TNFSF4: variants seen among roughly 807,000 people sequenced by gnomAD.
TNFSF4 encodes the protein TNF superfamily member 4, also known as tumor necrosis factor ligand superfamily member 4.
A neutral mutation model predicts 7.3 loss-of-function variants in TNFSF4; 4 were observed. That is an observed-to-expected ratio of 0.55 (90% CI 0.27 to 1.25). The LOEUF (loss-of-function observed/expected upper bound fraction) is 1.25, where lower values mean the gene tolerates loss of function less well. Among genes scored for constraint, TNFSF4 ranks in the 50% most tolerant of loss-of-function variants. The pLI is 0.12. For missense variants in TNFSF4, 181 were observed against 208.8 expected, an observed-to-expected ratio of 0.87 and a Z score of 0.82; for synonymous variants, 76 against 83.7, an observed-to-expected ratio of 0.91 and a Z score of 0.50.
rs962822801 is a variant in TNFSF4 at position 173,201,232 on chromosome 1, A to T, written c.153+5792T>A. Among the ~76,000 whole-genome samples, 7 of 152,136 alleles carry T rather than the reference A, an allele frequency of 4.6e-5. No individual in the cohort carries two copies. In the South Asian group the frequency reaches 1.5e-3, roughly 32 times the overall value. The stretch of plus-strand genomic sequence containing the variant: ...CCTAATCACACTTCATAACCTCATA[A>T]ATTCTCCCCTTCATTCTTTTGCTCT... On this transcript the variant is annotated intron_variant, in intron 1 of 2. Coordinates refer to ENST00000281834, the MANE Select transcript of TNFSF4 (RefSeq NM_003326.5).
the TNFSF4 span, among the ~76,000 whole-genome samples, chr1:173,395,233 A>T: frequency 6.6e-6 from 1 of 151,210 alleles, no homozygotes; most frequent in Admixed American, 6.6e-5. Flanking sequence ...TTAGATTTGA[A>T]GATACTAATG....
At chr1:173,219,841 A>C in the TNFSF4 span, among the ~76,000 whole-genome samples, 1 of 152,162 alleles carries the variant, frequency 6.6e-6, no homozygotes, top group African/African-American at 2.4e-5. Context: ...AGTGGGAGCT[A>C]AGCTTTGAGG....
chr1:173,444,562 A>C, the TNFSF4 span, among the ~76,000 whole-genome samples: 2 of 152,074 alleles, frequency 1.3e-5, no homozygotes, highest in Non-Finnish European at 2.9e-5. Flanking sequence ...TAATGATTAT[A>C]ATCCCTTTAA....
At chr1:173,416,517 G>A in the TNFSF4 span, among the ~76,000 whole-genome samples, 41 of 152,086 alleles carry the variant, frequency 2.7e-4, no homozygotes, top group Non-Finnish European at 5.6e-4. Flanking sequence ...GGGCCCAAGG[G>A]TCTCCCAGCC....
At chr1:173,385,380 A>G in the TNFSF4 span, among the ~76,000 whole-genome samples, 1 of 152,254 alleles carries the variant, frequency 6.6e-6, no homozygotes. Flanking sequence ...AATATTATTC[A>G]AAGTTGCAAC....
chr1:173,332,249 C>T, the TNFSF4 span, among the ~76,000 whole-genome samples: 1 of 152,168 alleles, frequency 6.6e-6, no homozygotes, highest in Non-Finnish European at 1.5e-5. Context: ...GTAGTCCTTC[C>T]CTTTCTGTCA....
the TNFSF4 span, among the ~76,000 whole-genome samples, chr1:173,322,187 C>A: frequency 4.6e-5 from 7 of 152,104 alleles, no homozygotes; most frequent in Non-Finnish European, 7.4e-5. Flanking sequence ...AAGCTGGAAG[C>A]CATCATTCTC....
chr1:173,444,695 C>T, the TNFSF4 span, among the ~76,000 whole-genome samples: 39 of 151,900 alleles, frequency 2.6e-4, no homozygotes, highest in Non-Finnish European at 4.9e-4. Flanking sequence ...AGGATAAGAT[C>T]CTTTCAGAGA....
chr1:173,333,181 G>A, the TNFSF4 span, among the ~76,000 whole-genome samples: 1 of 152,232 alleles, frequency 6.6e-6, no homozygotes, highest in East Asian at 1.9e-4. Context: ...CTTGACACAG[G>A]GTACACAGGC....
chr1:173,181,043 C>T (rs1313483214), downstream of TNFSF4, among the ~76,000 whole-genome samples: 1 of 152,108 alleles, frequency 6.6e-6, no homozygotes, highest in Non-Finnish European at 1.5e-5. Flanking sequence ...ATTTAAAAGG[C>T]CATGTTGCCT....
the TNFSF4 span, among the ~76,000 whole-genome samples, chr1:173,236,115 A>G: frequency 2.8e-4 from 43 of 152,316 alleles, 1 homozygote; most frequent in East Asian, 8.3e-3. Context: ...CAAACTAATT[A>G]CAAGCCATGA....
Position 173,186,503 on chromosome 1 carries a change from T to G in TNFSF4, c.*13A>C. On this transcript the variant is annotated 3_prime_UTR_variant, in exon 3 of 3. Transcript: ENST00000281834. ...CATGCTGGTGCCTGGTTTTAGATAT[T>G]GCCATCAGCCCCTCAAAGGACACAG... 1 of 1,593,362 alleles carries G rather than the reference T, an allele frequency of 6.3e-7. No individual in the cohort carries two copies. The highest frequency in any genetic ancestry group is 1.3e-5 in the African/African-American group (1 of 74,640).
the TNFSF4 span, among the ~76,000 whole-genome samples, chr1:173,365,019 T>C: frequency 6.6e-6 from 1 of 151,718 alleles, no homozygotes; most frequent in African/African-American, 2.4e-5. Context: ...GCCCAGGTAT[T>C]GAGGCTGCAA....
chr1:173,192,880 A>G (rs929956069), intron 1 of TNFSF4, among the ~76,000 whole-genome samples: 6 of 152,342 alleles, frequency 3.9e-5, no homozygotes, highest in African/African-American at 1.4e-4. Context: ...ATGAAATAAT[A>G]TATGTCAGTG....
downstream of TNFSF4, among the ~76,000 whole-genome samples, chr1:173,180,750 TGG>T (rs1649042534): frequency 6.6e-6 from 1 of 152,198 alleles, no homozygotes; most frequent in Non-Finnish European, 1.5e-5. Flanking sequence ...TAAAATAATT[TGG>T]TATATTTTAT....
chr1:173,308,349 CCT>C, the TNFSF4 span, among the ~76,000 whole-genome samples: 1 of 144,588 alleles, frequency 6.9e-6, no homozygotes, highest in East Asian at 2.0e-4. Flanking sequence ...GACCTTTTCC[CCT>C]GTGTCAAGGT....
At chr1:173,262,065 G>A in the TNFSF4 span, among the ~76,000 whole-genome samples, 114 of 152,126 alleles carry the variant, frequency 7.5e-4, 1 homozygote, top group African/African-American at 2.6e-3. Context: ...GATGAACATC[G>A]ATGCAAAAAT....
At chr1:173,316,585 A>G in the TNFSF4 span, among the ~76,000 whole-genome samples, 1 of 152,244 alleles carries the variant, frequency 6.6e-6, no homozygotes, top group South Asian at 2.1e-4. Context: ...TTATATTTCA[A>G]TGTGGTATGC....
intron 2 of TNFSF4, among the ~76,000 whole-genome samples, chr1:173,187,559 T>C (rs868642361): frequency 3.2e-4 from 49 of 152,318 alleles, no homozygotes; most frequent in Middle Eastern, 6.8e-3. Context: ...ATCTGTGGAT[T>C]CAGGGTGGGC....
Sources: allele counts gnomAD v4.1 joint callset (sites outside exome capture counted in the v4.1 genomes callset), GRCh38; gene constraint gnomAD v4.1.1; transcripts MANE v1.5; gene names NCBI Gene and HGNC (gene_info 2026-07-23, HGNC 2026-07-21).